ZNF804A: variants seen among roughly 807,000 people sequenced by gnomAD.
ZNF804A encodes the protein zinc finger protein 804A.
A neutral mutation model predicts 16.5 loss-of-function variants in ZNF804A; 2 were observed. The ratio of observed to expected loss-of-function variants is 0.12; its 90% CI spans 0.05 to 0.38. ZNF804A has a LOEUF of 0.38. Ranked by LOEUF, ZNF804A falls within the 10% of genes least tolerant of loss-of-function variation. The pLI is 0.99. For missense variants in ZNF804A, 1,473 were observed against 1,390.7 expected, an observed-to-expected ratio of 1.06 and a Z score of -0.94; for synonymous variants, 534 against 489.6, an observed-to-expected ratio of 1.09 and a Z score of -1.20.
chr2:184,865,550 TTAAG>T (rs1253062889), intron 1 of ZNF804A, among the ~76,000 whole-genome samples: 1 of 152,092 alleles, frequency 6.6e-6, no homozygotes, highest in Non-Finnish European at 1.5e-5. Context: ...TCATTGACAT[TTAAG>T]TAAGCATGAA....
intron 1 of ZNF804A, among the ~76,000 whole-genome samples, chr2:184,738,779 G>A (rs2105751730): frequency 6.6e-6 from 1 of 152,298 alleles, no homozygotes; most frequent in South Asian, 2.1e-4. Flanking sequence ...GTGTACAACT[G>A]TGTGCTCAAA....
At chr2:184,816,137 G>T (rs981268999) in intron 1 of ZNF804A, among the ~76,000 whole-genome samples, 1 of 151,938 alleles carries the variant, frequency 6.6e-6, no homozygotes, top group Non-Finnish European at 1.5e-5. Context: ...ATTCCTTAAT[G>T]GAATACAACT....
chr2:184,854,459 C>T (rs1369899638), intron 1 of ZNF804A, among the ~76,000 whole-genome samples: 4 of 151,918 alleles, frequency 2.6e-5, no homozygotes, highest in African/African-American at 9.7e-5. Context: ...GGGTAAAGTT[C>T]GATGTGCATT....
At chr2:184,906,959 G>T (rs758678439) in intron 2 of ZNF804A, among the ~76,000 whole-genome samples, 2 of 152,194 alleles carry the variant, frequency 1.3e-5, no homozygotes, top group East Asian at 1.9e-4. Flanking sequence ...GCAGCATGCA[G>T]TAGATAAGGG....
chr2:184,752,814 A>C (rs763303288), intron 1 of ZNF804A, among the ~76,000 whole-genome samples: 10 of 151,734 alleles, frequency 6.6e-5, no homozygotes, highest in Non-Finnish European at 1.0e-4. Context: ...GGATCTGAAC[A>C]GACATTTTTC....
chr2:184,663,285 G>T (rs1017216512), intron 1 of ZNF804A, among the ~76,000 whole-genome samples: 2 of 152,170 alleles, frequency 1.3e-5, no homozygotes, highest in Admixed American at 6.5e-5. Context: ...CACCCACTTC[G>T]ATTTCAGAGC....
intron 2 of ZNF804A, among the ~76,000 whole-genome samples, chr2:184,912,124 A>G (rs1292839554): frequency 8.6e-5 from 13 of 151,652 alleles, no homozygotes; most frequent in African/African-American, 1.7e-4. Flanking sequence ...ACAAAAAACA[A>G]CTCTCTAAAC....
chr2:184,761,185 T>C (rs965749416), intron 1 of ZNF804A, among the ~76,000 whole-genome samples: 56 of 152,308 alleles, frequency 3.7e-4, no homozygotes, highest in African/African-American at 1.3e-3. Context: ...TGGTCTGTGA[T>C]TTCTATAGAA....
intron 1 of ZNF804A, among the ~76,000 whole-genome samples, chr2:184,707,468 G>T (rs1693049058): frequency 6.6e-6 from 1 of 152,024 alleles, no homozygotes; most frequent in South Asian, 2.1e-4. Context: ...AATATTCAGT[G>T]TGTATTATTG....
At chr2:184,691,301 C>G (rs985126644) in intron 1 of ZNF804A, among the ~76,000 whole-genome samples, 1 of 151,872 alleles carries the variant, frequency 6.6e-6, no homozygotes, top group Non-Finnish European at 1.5e-5. Context: ...AGAAGTGCCC[C>G]TTTCTTTGTA....
intron 1 of ZNF804A, among the ~76,000 whole-genome samples, chr2:184,816,849 C>G (rs1441831614): frequency 1.3e-5 from 2 of 151,834 alleles, no homozygotes; most frequent in Admixed American, 6.6e-5. Context: ...CCATAGCTAC[C>G]AGTACTTTTT....
At chr2:184,864,238 AAGAGGAAGCAAGAG>A (rs1288597282) in intron 1 of ZNF804A, among the ~76,000 whole-genome samples, 1 of 152,110 alleles carries the variant, frequency 6.6e-6, no homozygotes, top group Non-Finnish European at 1.5e-5. Flanking sequence ...CACACGGTAC[AAGAGGAAGCAAGAG>A]AGAGCTATAG....
chr2:184,890,273 G>A (rs913162735), intron 2 of ZNF804A, among the ~76,000 whole-genome samples: 1 of 152,128 alleles, frequency 6.6e-6, no homozygotes. Flanking sequence ...ATATGACTTC[G>A]TTGATAAGAA....
intron 1 of ZNF804A, among the ~76,000 whole-genome samples, chr2:184,855,095 C>G (rs1695666515): frequency 6.6e-6 from 1 of 152,056 alleles, no homozygotes; most frequent in African/African-American, 2.4e-5. Context: ...GATTAAACAT[C>G]ACTGTCTTGG....
At chr2:184,813,653 T>C (rs1694932963) in intron 1 of ZNF804A, among the ~76,000 whole-genome samples, 1 of 152,050 alleles carries the variant, frequency 6.6e-6, no homozygotes, top group Admixed American at 6.6e-5. Flanking sequence ...CAGTTTTACG[T>C]TGTGATTTTT....
At chr2:184,630,807 G>T (rs772369339) in intron 1 of ZNF804A, among the ~76,000 whole-genome samples, 15 of 151,946 alleles carry the variant, frequency 9.9e-5, no homozygotes, top group Non-Finnish European at 1.8e-4. Flanking sequence ...TATACCAAGA[G>T]CTGTTGAGGC....
chr2:184,753,058 T>C (rs568983235), intron 1 of ZNF804A, among the ~76,000 whole-genome samples: 59 of 151,698 alleles, frequency 3.9e-4, no homozygotes, highest in African/African-American at 1.2e-3. Context: ...CATGAAAACA[T>C]TTTACATTAT....
At chr2:184,825,524 G>T (rs149633332) in intron 1 of ZNF804A, among the ~76,000 whole-genome samples, 1 of 152,100 alleles carries the variant, frequency 6.6e-6, no homozygotes, top group African/African-American at 2.4e-5. Flanking sequence ...ATATGTATAT[G>T]TAAATGACAG....
chr2:184,598,930 G>A lies in ZNF804A; in HGVS notation c.-30G>A, dbSNP rs774960121. On this transcript the variant is annotated 5_prime_UTR_variant, in exon 1 of 4. Coordinates refer to ENST00000302277, the MANE Select transcript of ZNF804A (RefSeq NM_194250.2). ...TGGGCGCGGGGTGCGTGGAAGCGGC[G>A]GCTGCGGCGGAGGAGGCGGCGGCTG... The A allele has an allele frequency of 4.8e-6, 7 of 1,464,598 alleles. No individual in the cohort carries two copies. The highest frequency in any genetic ancestry group is 1.3e-5 in the South Asian group (1 of 79,926). 90.7% of individuals were successfully genotyped at this position (1,464,598 alleles called of 1,614,324 possible).
Sources: gnomAD v4.1 joint callset for allele counts (sites outside exome capture counted in the v4.1 genomes callset) on GRCh38, gnomAD v4.1.1 for gene constraint, MANE v1.5 for transcripts, NCBI Gene and HGNC (gene_info 2026-07-23, HGNC 2026-07-21) for gene names.